TDP2: variants seen among roughly 807,000 people sequenced by gnomAD.
TDP2 encodes the protein 5'-Tyr-DNA phosphodiesterase.
TDP2 carries 38 observed loss-of-function variants against 42.8 expected under a neutral mutation model. That is an observed-to-expected ratio of 0.89 (90% CI 0.68 to 1.16). TDP2 has a LOEUF of 1.16. TDP2 is among the 50% of genes most tolerant of loss of function. The pLI is 0.00. For synonymous variants in TDP2, 173 were observed against 150.6 expected (o/e 1.15, Z -1.09); for missense variants, 439 against 439.3 (o/e 1.00, Z 0.01).
At position 24,650,736 on chromosome 6, in the gene TDP2, GT is replaced by G; in HGVS notation, c.*51del. On this transcript the variant is annotated 3_prime_UTR_variant, in exon 7 of 7. Transcript: ENST00000378198. ...CACAGCAAACCTACCTTTCCAGAAG[GT>G]GGAAATTGTATTTGCAACAATCAGG... The G allele has an allele frequency of 3.8e-6, 6 of 1,565,368 alleles. No homozygotes were observed. Among genetic ancestry groups the G allele is most frequent in the Non-Finnish European group, 5.2e-6 (6 of 1,146,152 alleles).
chr6:24,654,641 C>A, intron 4 of TDP2, 111 bp from the exon 5 acceptor site: 1 of 651,294 alleles, frequency 1.5e-6, no homozygotes, highest in East Asian at 2.8e-5. Context: ...CAGATATTTA[C>A]ATGGATCTAA....
At chr6:24,655,810 G>A (rs1308519731) in intron 4 of TDP2, among the ~76,000 whole-genome samples, 1 of 152,114 alleles carries the variant, frequency 6.6e-6, no homozygotes, top group East Asian at 1.9e-4. Flanking sequence ...CTTTTTTGGA[G>A]AAACAAAATG....
intron 6 of TDP2, 90 bp downstream of exon 6, chr6:24,652,893 C>T (rs1777996546): frequency 7.1e-7 from 1 of 1,401,734 alleles, no homozygotes; most frequent in African/African-American, 1.4e-5. Context: ...GACTAAAGGT[C>T]CTAGTTTTAA....
At chr6:24,659,500 T>C (rs1405809073) in intron 2 of TDP2, among the ~76,000 whole-genome samples, 1 of 146,520 alleles carries the variant, frequency 6.8e-6, no homozygotes, top group Non-Finnish European at 1.5e-5. Flanking sequence ...GGTTCGTAGA[T>C]AGATTCTTAC....
intron 6 of TDP2, among the ~76,000 whole-genome samples, chr6:24,651,526 C>T (rs1777973779): frequency 6.6e-6 from 1 of 152,130 alleles, no homozygotes; most frequent in Non-Finnish European, 1.5e-5. Context: ...TTTGCTCATT[C>T]ACACTCCAGG....
chr6:24,666,129 G>C, intron 2 of TDP2: 1 of 1,549,010 alleles, frequency 6.5e-7, no homozygotes, highest in East Asian at 2.4e-5. Context: ...CTGTTATTCT[G>C]GCCGGTCAGC....
At chr6:24,654,899 G>A (rs1479133129) in intron 4 of TDP2, among the ~76,000 whole-genome samples, 3 of 152,086 alleles carry the variant, frequency 2.0e-5, no homozygotes, top group Non-Finnish European at 4.4e-5. Context: ...TTAGTCGGGC[G>A]TGGTGGCACA....
At chr6:24,659,052 T>C (rs978115154) in intron 2 of TDP2, 3 of 199,080 alleles carry the variant, frequency 1.5e-5, no homozygotes, top group Non-Finnish European at 3.0e-5. Flanking sequence ...TAAGCATTGC[T>C]TAAGATGTTT....
rs1198481964 is a variant in TDP2 at position 24,653,059 on chromosome 6, A to T, written c.731T>A (p.Val244Asp). ...TGGAGCCTCTTGCATTTTCTTTAAAACCATTTTTAACTGATTCATTCGTTC... is the reference window on the plus strand; with the variant it reads ...TGGAGCCTCTTGCATTTTCTTTAAATCCATTTTTAACTGATTCATTCGTTC... ...AAERMNQLKM[V>D]LKKMQEAPES... The change falls in exon 6 of 7, where the codon GTT becomes GAT. Residue 244 changes from valine (V) to aspartate (D), a missense_variant. Val to Asp is a radical substitution (Grantham distance 152). Coordinates refer to ENST00000378198, the MANE Select transcript of TDP2 (RefSeq NM_016614.3). 1 of 1,614,058 alleles carries T rather than the reference A, an allele frequency of 6.2e-7. No homozygotes were observed. The highest frequency in any genetic ancestry group is 1.3e-5 in the African/African-American group (1 of 74,990).
chr6:24,657,236 G>T (rs759658099), intron 4 of TDP2, among the ~76,000 whole-genome samples: 5 of 152,170 alleles, frequency 3.3e-5, no homozygotes, highest in Admixed American at 2.0e-4. Context: ...CGCACATATA[G>T]ATGGGTTCTG....
In TDP2 at chr6:24,650,894, T is replaced by A. The variant is rs1777962799; in HGVS notation, c.983A>T (p.His328Leu). The A allele has an allele frequency of 6.2e-7, 1 of 1,614,050 alleles. No individual in the cohort carries two copies. Among genetic ancestry groups the A allele is most frequent in the African/African-American group, 1.3e-5 (1 of 74,934 alleles). The change falls in exon 7 of 7, where the codon CAC becomes CTC. Residue 328 changes from histidine (H) to leucine (L), a missense_variant. Physicochemically the swap from His to Leu is moderately conservative, Grantham distance 99 (BLOSUM62 -3). Coordinates refer to ENST00000378198, the MANE Select transcript of TDP2 (RefSeq NM_016614.3). ...AAGGTCCAAACTTCGGGGAATAATG[T>A]GTCCCTCTTCTGCTGCTGCTCTGAA... is the stretch of plus-strand genomic sequence containing the variant. ...IFFRAAAEEG[H>L]IIPRSLDLLG...
chr6:24,656,914 A>G (rs1033904285), intron 4 of TDP2, among the ~76,000 whole-genome samples: 2 of 152,250 alleles, frequency 1.3e-5, no homozygotes, highest in Non-Finnish European at 2.9e-5. Context: ...GGAATCAGAA[A>G]TCCTAAAAGA....
chr6:24,653,082 T>C lies in TDP2; in HGVS notation c.708A>G (p.Glu236=). ...AAACCATTTTTAACTGATTCATTCGTTCCGCAGCATGCCCTCTGGTGCTCT... is the reference window on the plus strand; with the variant it reads ...AAACCATTTTTAACTGATTCATTCGCTCCGCAGCATGCCCTCTGGTGCTCT... The part of the protein sequence containing the change: ...HLESTRGHAA[E]RMNQLKMVLK... The change falls in exon 6 of 7, where the codon GAA becomes GAG. Residue 236 remains glutamate, a synonymous_variant. Transcript: ENST00000378198. 1.2e-6 allele frequency: 2 copies of C among 1,614,180 alleles called. No homozygotes were observed. The highest frequency in any genetic ancestry group is 1.7e-6 in the Non-Finnish European group (2 of 1,180,028).
At chr6:24,653,279 C>T (rs2127617060) in intron 5 of TDP2, 126 bp from the exon 6 acceptor site, 2 of 954,094 alleles carry the variant, frequency 2.1e-6, no homozygotes, top group East Asian at 2.4e-5. Context: ...AAAATCAGCA[C>T]TATGCCTATC....
Position 24,650,816 on chromosome 6 carries a change from A to G in TDP2, c.1061T>C (p.Leu354Pro). 6.2e-7 allele frequency: 1 copy of G among 1,614,152 alleles called. No homozygotes were observed. Among genetic ancestry groups the G allele is most frequent in the African/African-American group, 1.3e-5 (1 of 75,062 alleles). ...CGRFPSDHWG[L>P]LCNLDIIL is the part of the protein sequence containing the mutation. ...CAATATTATATCTAAGTTGCACAGA[A>G]GACCCCAGTGATCACTAGGAAATCT... is the stretch of plus-strand genomic sequence containing the variant. The change falls in exon 7 of 7, where the codon CTT (leucine) becomes CCT (proline). Residue 354 changes from leucine (L) to proline (P), a missense_variant. Leu to Pro is a moderately conservative substitution (Grantham distance 98, BLOSUM62 -3). Transcript: ENST00000378198.
intron 4 of TDP2, among the ~76,000 whole-genome samples, chr6:24,657,314 C>T (rs1482271235): frequency 6.6e-6 from 1 of 152,134 alleles, no homozygotes; most frequent in African/African-American, 2.4e-5. Flanking sequence ...AGAACCAATC[C>T]TCTGAGAATA....
intron 2 of TDP2, among the ~76,000 whole-genome samples, chr6:24,662,380 G>A (rs373958621): frequency 4.3e-4 from 66 of 152,260 alleles, no homozygotes; most frequent in African/African-American, 1.5e-3. Context: ...TTGGATGGGA[G>A]AAAACCGCCT....
rs1399893115 is a variant in TDP2 at position 24,666,686 on chromosome 6, G to C, written c.165+12C>G. The stretch of plus-strand genomic sequence containing the variant: ...GGTAATGGAGCCGGAAGCGAGGACA[G>C]CGAAAGCGTACTTCCATCTCCCAGT... On this transcript the variant is annotated intron_variant, in intron 1 of 6. Transcript: ENST00000378198. 8 of 1,614,228 alleles carry C rather than the reference G, an allele frequency of 5.0e-6. No individual in the cohort carries two copies. The South Asian group carries it at 7.7e-5, about 16-fold the overall frequency.
intron 6 of TDP2, among the ~76,000 whole-genome samples, chr6:24,652,676 T>C (rs1296682077): frequency 6.6e-6 from 1 of 152,152 alleles, no homozygotes; most frequent in Non-Finnish European, 1.5e-5. Context: ...AGAAACAACC[T>C]TTTCTAAACT....
Sources: allele counts gnomAD v4.1 joint callset (sites outside exome capture counted in the v4.1 genomes callset), GRCh38; gene constraint gnomAD v4.1.1; transcripts MANE v1.5; gene names NCBI Gene and HGNC (gene_info 2026-07-23, HGNC 2026-07-21).